Variants in AGBL1 observed in about 807,000 individuals in gnomAD.
AGBL1 encodes the protein cytosolic carboxypeptidase 4.
In AGBL1, 130 loss-of-function variants were observed where a neutral mutation model predicts 118.9. The observed-to-expected ratio is 1.09, with a 90% CI of 0.95 to 1.26. The LOEUF is 1.26. Ranked by LOEUF, AGBL1 falls within the 50% of genes most tolerant of loss-of-function variation. AGBL1 has a pLI of 0.00. For synonymous variants in AGBL1, 555 were observed against 478.9 expected (o/e 1.16, Z -2.08); for missense variants, 1,584 against 1,298.1 (o/e 1.22, Z -3.38).
At chr15:87,005,632 C>A (rs998927188) in intron 24 of AGBL1, among the ~76,000 whole-genome samples, 1 of 152,226 alleles carries the variant, frequency 6.6e-6, no homozygotes, top group South Asian at 2.1e-4. Flanking sequence ...GCCATGGGTT[C>A]GAACTTCCTC....
chr15:86,905,478 G>A (rs1487921555), intron 22 of AGBL1, among the ~76,000 whole-genome samples: 3 of 152,174 alleles, frequency 2.0e-5, no homozygotes, highest in Non-Finnish European at 4.4e-5. Context: ...CAGGTGTGAA[G>A]CAACAAATCT....
intron 6 of AGBL1, among the ~76,000 whole-genome samples, chr15:86,228,275 A>T (rs549778727): frequency 6.6e-6 from 1 of 152,318 alleles, no homozygotes; most frequent in East Asian, 1.9e-4. Flanking sequence ...TCTGTCTAAA[A>T]TTCAAGACTT....
At chr15:86,439,368 A>G (rs925201882) in intron 18 of AGBL1, among the ~76,000 whole-genome samples, 1 of 152,200 alleles carries the variant, frequency 6.6e-6, no homozygotes, top group Non-Finnish European at 1.5e-5. Flanking sequence ...CTTAGAGATG[A>G]CATCTCGTTC....
chr15:86,906,469 A>G (rs1693237104), intron 22 of AGBL1, among the ~76,000 whole-genome samples: 2 of 152,234 alleles, frequency 1.3e-5, no homozygotes, highest in Admixed American at 6.5e-5. Context: ...TTACTCTGTC[A>G]TTTGTTAATT....
intron 21 of AGBL1, among the ~76,000 whole-genome samples, chr15:86,582,584 C>T (rs2142334276): frequency 6.6e-6 from 1 of 152,118 alleles, no homozygotes; most frequent in East Asian, 1.9e-4. Flanking sequence ...AGGCACTATT[C>T]ACAATAGCAA....
At chr15:86,965,933 C>T (rs2081047533) in intron 23 of AGBL1, among the ~76,000 whole-genome samples, 1 of 151,968 alleles carries the variant, frequency 6.6e-6, no homozygotes, top group Non-Finnish European at 1.5e-5. Context: ...AGCAAACTAC[C>T]ATGGCATGTG....
chr15:86,178,260 C>T (rs1261054752), intron 5 of AGBL1, among the ~76,000 whole-genome samples: 2 of 152,104 alleles, frequency 1.3e-5, no homozygotes, highest in Non-Finnish European at 2.9e-5. Context: ...TTGCAGTGAG[C>T]CAAGGTCACA....
chr15:86,635,831 G>C (rs2085073035), intron 21 of AGBL1, among the ~76,000 whole-genome samples: 1 of 152,190 alleles, frequency 6.6e-6, no homozygotes, highest in Non-Finnish European at 1.5e-5. Flanking sequence ...CAAGCATTGT[G>C]TCTCATTCCT....
At chr15:86,815,918 G>A (rs887178031) in intron 22 of AGBL1, among the ~76,000 whole-genome samples, 4 of 152,128 alleles carry the variant, frequency 2.6e-5, no homozygotes, top group East Asian at 3.9e-4. Flanking sequence ...GGAAGGAAAC[G>A]GTGGGGAAGC....
At chr15:87,031,419 C>T (rs1030386189), downstream of AGBL1, among the ~76,000 whole-genome samples, 1 of 151,658 alleles carries the variant, frequency 6.6e-6, no homozygotes, top group Non-Finnish European at 1.5e-5. Flanking sequence ...TAACACAGAC[C>T]AGCCTTAAGT....
chr15:86,302,665 G>T (rs2079768884), intron 17 of AGBL1, among the ~76,000 whole-genome samples: 1 of 151,534 alleles, frequency 6.6e-6, no homozygotes, highest in African/African-American at 2.4e-5. Context: ...TGTACTCCCA[G>T]CTACTTAGGT....
intron 22 of AGBL1, among the ~76,000 whole-genome samples, chr15:86,695,317 C>G (rs7178530): frequency 0.49 from 74,557 of 151,776 alleles, 19,234 homozygotes; most frequent in East Asian, 0.72. Context: ...CTGATTTAAA[C>G]TGGGAGGGTT....
rs562317593 is a variant in AGBL1 at position 86,702,100 on chromosome 15, G to T, written c.3158+27664G>T. On this transcript the variant is annotated intron_variant, in intron 22 of 22. Coordinates refer to ENST00000614907, the MANE Select transcript of AGBL1 (RefSeq NM_001386094.1). ...AAATTATCACTAAATCCTATCCATA[G>T]CTCCAATCCATAGCTCATATTAAAC... 1.7e-3 allele frequency among the ~76,000 whole-genome samples: 265 copies of T among 151,676 alleles called. 4 individuals are homozygous for T. In the East Asian group the frequency reaches 0.022, roughly 13 times the overall value.
chr15:86,496,664 C>A (rs1039328274), intron 18 of AGBL1, among the ~76,000 whole-genome samples: 2 of 151,174 alleles, frequency 1.3e-5, no homozygotes, highest in Admixed American at 1.3e-4. Flanking sequence ...TTTTTTTTCC[C>A]TTTTGCCAGT....
rs181710572 is a variant in AGBL1 at position 86,727,199 on chromosome 15, T to C, written c.3158+52763T>C. On this transcript the variant is annotated intron_variant, in intron 22 of 22. Coordinates refer to ENST00000614907, the MANE Select transcript of AGBL1 (RefSeq NM_001386094.1). ...GGAATGTGATTGCACCATTTAAATG[T>C]ATATCAGGAAGGTGTGAGACATCCT... Among the ~76,000 whole-genome samples the C allele has an allele frequency of 8.2e-4, 125 of 152,208 alleles. 1 individual carries two copies. Among genetic ancestry groups the C allele is most frequent in the Admixed American group, 8.1e-3 (124 of 15,276 alleles).
At chr15:86,455,417 A>G (rs2082247471) in intron 18 of AGBL1, among the ~76,000 whole-genome samples, 1 of 152,184 alleles carries the variant, frequency 6.6e-6, no homozygotes, top group African/African-American at 2.4e-5. Context: ...CAGGCTTTCC[A>G]TTAAATTAAA....
intron 18 of AGBL1, among the ~76,000 whole-genome samples, chr15:86,422,128 A>G (rs969460237): frequency 2.0e-5 from 3 of 152,208 alleles, no homozygotes; most frequent in African/African-American, 7.2e-5. Flanking sequence ...CTCGACCTCA[A>G]ATCAACAGAA....
At chr15:86,147,163 G>A (rs900401078) in intron 3 of AGBL1, among the ~76,000 whole-genome samples, 3 of 152,200 alleles carry the variant, frequency 2.0e-5, no homozygotes, top group African/African-American at 7.2e-5. Context: ...GGCCCAATAG[G>A]AACAGCTCCG....
chr15:86,711,648 A>G (rs2142689157), intron 22 of AGBL1, among the ~76,000 whole-genome samples: 1 of 152,294 alleles, frequency 6.6e-6, no homozygotes. Context: ...AAAGAACAGG[A>G]GTTGGCAAAC....
Sources: allele counts gnomAD v4.1 joint callset (sites outside exome capture counted in the v4.1 genomes callset), GRCh38; gene constraint gnomAD v4.1.1; transcripts MANE v1.5; gene names NCBI Gene and HGNC (gene_info 2026-07-23, HGNC 2026-07-21).